The following CDH4 variants were observed in gnomAD, a reference collection of about 807,000 sequenced individuals.
The protein encoded by CDH4 is cadherin-4.
A neutral mutation model predicts 86.0 loss-of-function variants in CDH4; 33 were observed. The ratio of observed to expected loss-of-function variants is 0.38; its 90% CI spans 0.29 to 0.51. CDH4 has a LOEUF of 0.51. Ranked by LOEUF, CDH4 falls within the 20% of genes least tolerant of loss-of-function variation. CDH4 has a pLI of 0.86. For missense variants in CDH4, 1,114 were observed against 1,307.4 expected (o/e 0.85, Z 2.28); for synonymous variants, 555 against 549.4 (o/e 1.01, Z -0.14).
rs561672245 is a variant in CDH4 at position 61,690,951 on chromosome 20, G to A, written c.170-52612G>A. ...GGGGCCACAGCCTTGCAGACCCCCCGCCCCAGGGCTGAGCCCTCTAGACTT... is the reference window on the plus strand; with the variant it reads ...GGGGCCACAGCCTTGCAGACCCCCCACCCCAGGGCTGAGCCCTCTAGACTT... On this transcript the variant is annotated intron_variant, in intron 2 of 15. Transcript: ENST00000614565. 2.6e-4 allele frequency among the ~76,000 whole-genome samples: 40 copies of A among 152,294 alleles called. No homozygotes were observed. The East Asian group carries it at 4.8e-3, about 18-fold the overall frequency.
intron 13 of CDH4, 30 bp downstream of exon 13, chr20:61,929,872 G>A (rs1012389460): frequency 2.5e-6 from 4 of 1,572,964 alleles, no homozygotes; most frequent in Admixed American, 3.3e-5. Flanking sequence ...AGGGTGGGCA[G>A]GGGCATTGTG....
At chr20:61,402,683 G>C (rs1197312475) in intron 2 of CDH4, among the ~76,000 whole-genome samples, 2 of 152,184 alleles carry the variant, frequency 1.3e-5, no homozygotes, top group African/African-American at 2.4e-5. Context: ...GAGCCACTGT[G>C]CCTGGCCCAG....
rs547435546 is a variant in CDH4, at chr20:61,836,112, G to A, written c.577-8556G>A. On this transcript the variant is annotated intron_variant, in intron 4 of 15. Transcript: ENST00000614565. The stretch of plus-strand genomic sequence containing the variant: ...CATTCTTGACTCCAGGTCCACATTG[G>A]TGAGAGAAGCTGATTGACCCAGCTT... 2.0e-5 allele frequency among the ~76,000 whole-genome samples: 3 copies of A among 152,348 alleles called. No homozygotes were observed. The East Asian group carries it at 5.8e-4, about 29-fold the overall frequency.
At chr20:61,783,663 C>T (rs547368107) in intron 4 of CDH4, among the ~76,000 whole-genome samples, 1 of 143,098 alleles carries the variant, frequency 7.0e-6, no homozygotes, top group Non-Finnish European at 1.5e-5. Context: ...TTCTCGAGGC[C>T]CTCAGGTGTC....
intron 2 of CDH4, among the ~76,000 whole-genome samples, chr20:61,336,693 A>C (rs948547754): frequency 6.6e-6 from 1 of 152,140 alleles, no homozygotes; most frequent in African/African-American, 2.4e-5. Flanking sequence ...GGAGATTGTC[A>C]ATGTAGATTC....
intron 2 of CDH4, among the ~76,000 whole-genome samples, chr20:61,603,685 G>A (rs2086620797): frequency 6.6e-6 from 1 of 152,224 alleles, no homozygotes; most frequent in African/African-American, 2.4e-5. Context: ...GGAGCACAGA[G>A]AAGTGAGCAG....
Position 61,522,735 on chromosome 20 carries a change from C to T in CDH4, c.170-220828C>T, listed in dbSNP as rs80017216. 2.5e-4 allele frequency among the ~76,000 whole-genome samples: 34 copies of T among 134,348 alleles called. No homozygotes were observed. The East Asian group carries it at 6.4e-3, about 25-fold the overall frequency. 88.1% of individuals were successfully genotyped at this position (134,348 alleles called of 152,430 possible). A position where few individuals can be genotyped will look rare whatever the true frequency, so the allele number is the denominator to read the frequency against. On this transcript the variant is annotated intron_variant, in intron 2 of 15. Coordinates refer to ENST00000614565, the MANE Select transcript of CDH4 (RefSeq NM_001794.5). ...CTGTTGTCTTCCGCGGAAATGGCCG[C>T]GGGCTGTTGTCTTCCGCGGAAAGTT...
At chr20:61,503,074 G>T (rs765109942) in intron 2 of CDH4, among the ~76,000 whole-genome samples, 1 of 152,222 alleles carries the variant, frequency 6.6e-6, no homozygotes, top group African/African-American at 2.4e-5. Context: ...TAAATACTGT[G>T]CTGGGTACTC....
chr20:61,293,595 CAG>C (rs921877304), intron 2 of CDH4, among the ~76,000 whole-genome samples: 4 of 152,194 alleles, frequency 2.6e-5, no homozygotes, highest in African/African-American at 9.7e-5. Context: ...ATCAGCGGGA[CAG>C]AGAGACACAT....
intron 2 of CDH4, among the ~76,000 whole-genome samples, chr20:61,619,674 T>G (rs1286686072): frequency 2.0e-5 from 3 of 152,148 alleles, no homozygotes; most frequent in Non-Finnish European, 4.4e-5. Flanking sequence ...GCATTCAATT[T>G]GGGGTGGTGA....
At chr20:61,380,523 A>ACCCCCCCCC (rs141105277) in intron 2 of CDH4, among the ~76,000 whole-genome samples, 5 of 148,842 alleles carry the variant, frequency 3.4e-5, no homozygotes, top group Non-Finnish European at 5.9e-5. Flanking sequence ...CCATCCTACA[A>ACCCCCCCCC]ACCCCCCTGC....
intron 2 of CDH4, among the ~76,000 whole-genome samples, chr20:61,620,153 T>TG: frequency 5.5e-4 from 1 of 1,818 alleles, no homozygotes; most frequent in Non-Finnish European, 1.1e-3. Context: ...GGAAAGATGG[T>TG]TTGGATGGAT....
intron 2 of CDH4, among the ~76,000 whole-genome samples, chr20:61,359,503 C>T (rs1041436362): frequency 2.0e-5 from 3 of 152,214 alleles, no homozygotes; most frequent in Non-Finnish European, 2.9e-5. Context: ...CACCTCCACG[C>T]GGCAGGTTTG....
intron 2 of CDH4, among the ~76,000 whole-genome samples, chr20:61,625,365 G>A (rs1348336058): frequency 6.6e-6 from 1 of 152,056 alleles, no homozygotes; most frequent in African/African-American, 2.4e-5. Context: ...CATGACATCA[G>A]AAATCTCTGA....
intron 2 of CDH4, among the ~76,000 whole-genome samples, chr20:61,496,273 G>A (rs908480692): frequency 5.3e-5 from 8 of 151,978 alleles, no homozygotes; most frequent in Non-Finnish European, 1.2e-4. Flanking sequence ...ATGGTGGTGT[G>A]TGCCTGTATT....
At chr20:61,570,392 C>T (rs1190786237) in intron 2 of CDH4, 3 of 404,248 alleles carry the variant, frequency 7.4e-6, no homozygotes, top group African/African-American at 2.0e-5. Context: ...TGGGACCAGA[C>T]GGGCCTGGCT....
chr20:61,434,382 G>A (rs541992909), intron 2 of CDH4, among the ~76,000 whole-genome samples: 19 of 152,160 alleles, frequency 1.2e-4, no homozygotes, highest in South Asian at 2.1e-4. Flanking sequence ...TCTAAGCCCC[G>A]AGTTAAAGAC....
intron 11 of CDH4, among the ~76,000 whole-genome samples, chr20:61,927,753 G>A (rs756026588): frequency 1.1e-4 from 17 of 152,236 alleles, no homozygotes; most frequent in Middle Eastern, 3.2e-3. Context: ...GTGAGTCCCC[G>A]GTGCGTGGCT....
chr20:61,853,104 A>T (rs1982814616), intron 6 of CDH4, among the ~76,000 whole-genome samples: 1 of 152,170 alleles, frequency 6.6e-6, no homozygotes, highest in South Asian at 2.1e-4. Context: ...ACCACAGGTG[A>T]GAAGCGATTG....
Sources: allele counts gnomAD v4.1 joint callset (sites outside exome capture counted in the v4.1 genomes callset), GRCh38; gene constraint gnomAD v4.1.1; transcripts MANE v1.5; gene names NCBI Gene and HGNC (gene_info 2026-07-23, HGNC 2026-07-21).